RASAL2: variants seen among roughly 807,000 people sequenced by gnomAD.
The protein encoded by RASAL2 is RAS protein activator like 2.
Under a neutral mutation model 128.9 loss-of-function variants are expected in RASAL2, and 58 were observed. The ratio of observed to expected loss-of-function variants is 0.45; its 90% CI spans 0.36 to 0.56. RASAL2 has a LOEUF of 0.56. Ranked by LOEUF, RASAL2 falls within the 20% of genes least tolerant of loss-of-function variation. The pLI is 0.00. For synonymous variants in RASAL2, 561 were observed against 580.8 expected, an observed-to-expected ratio of 0.97 and a Z score of 0.49; for missense variants, 1,360 against 1,601.6, an observed-to-expected ratio of 0.85 and a Z score of 2.57.
chr1:178,191,239 A>C (rs1275654115), intron 1 of RASAL2, among the ~76,000 whole-genome samples: 1 of 152,184 alleles, frequency 6.6e-6, no homozygotes, highest in Non-Finnish European at 1.5e-5. Flanking sequence ...TTACAGGCAG[A>C]ATTAGACGCA....
At chr1:178,464,163 G>A (rs1172614822) in intron 14 of RASAL2, 115 bp from the exon 15 acceptor site, 7 of 1,260,082 alleles carry the variant, frequency 5.6e-6, no homozygotes, top group African/African-American at 1.5e-5. Flanking sequence ...AAAGCTAAGA[G>A]CATTTATTAG....
intron 1 of RASAL2, among the ~76,000 whole-genome samples, chr1:178,119,164 G>A (rs1659625052): frequency 6.6e-6 from 1 of 152,170 alleles, no homozygotes; most frequent in South Asian, 2.1e-4. Flanking sequence ...CACCATGCCT[G>A]GCCAAGTGAG....
chr1:178,318,154 G>GAGAC (rs1342829455), intron 3 of RASAL2, among the ~76,000 whole-genome samples: 1 of 152,148 alleles, frequency 6.6e-6, no homozygotes, highest in Admixed American at 6.6e-5. Context: ...TGTGGTCTGA[G>GAGAC]AGACAGTTTG....
chr1:178,443,659 A>G (rs1000722221), intron 8 of RASAL2, among the ~76,000 whole-genome samples: 1 of 152,202 alleles, frequency 6.6e-6, no homozygotes, highest in Non-Finnish European at 1.5e-5. Flanking sequence ...AAGCATATTG[A>G]GTATTAGCAA....
At chr1:178,320,881 C>T (rs1349446472) in intron 3 of RASAL2, among the ~76,000 whole-genome samples, 2 of 152,176 alleles carry the variant, frequency 1.3e-5, no homozygotes, top group African/African-American at 4.8e-5. Flanking sequence ...TAAGTTAAAA[C>T]CAAAATGGCA....
Position 178,242,499 on chromosome 1 carries a change from G to GTC in RASAL2, c.203-41054_203-41053dup, listed in dbSNP as rs201397703. ...TCTCTCTCTTTCATCTCTCTCTCTT[G>GTC]TCTCTCTCTCTCCCCACTCCTGGGC... is the stretch of plus-strand genomic sequence containing the variant. On this transcript the variant is annotated intron_variant, in intron 1 of 17. Coordinates refer to ENST00000367649, the MANE Select transcript of RASAL2 (RefSeq NM_170692.4). 5.3e-3 allele frequency among the ~76,000 whole-genome samples: 545 copies of GTC among 102,220 alleles called. 8 individuals carry two copies. The highest frequency in any genetic ancestry group is 0.02 in the African/African-American group (530 of 26,456). The allele number at this position is 102,220 out of a possible 152,430, so 67.1% of individuals were successfully genotyped here.
rs1416994950 is a variant in RASAL2 at position 178,094,454 on chromosome 1, C to A, written c.-39C>A. ...CGCGGAGCCGCGCGCCAGCCCGCCC[C>A]GAAGCCGCCGCCTCGTCCCCCTCCC... On this transcript the variant is annotated 5_prime_UTR_variant, in exon 1 of 18. Transcript: ENST00000367649. The A allele has an allele frequency of 6.6e-7, 1 of 1,504,974 alleles. No individual in the cohort carries two copies. The highest frequency in any genetic ancestry group is 8.9e-7 in the Non-Finnish European group (1 of 1,128,388). The allele number at this position is 1,504,974 out of a possible 1,614,324, so 93.2% of individuals were successfully genotyped here. A position where few individuals can be genotyped will look rare whatever the true frequency, so the allele number is the denominator to read the frequency against.
At position 178,295,889 on chromosome 1, in the gene RASAL2, TAAG is replaced by T. The variant is rs901166821; in HGVS notation, c.331-4098_331-4096del. On this transcript the variant is annotated intron_variant, in intron 2 of 17. Transcript: ENST00000367649. Reference sequence around the variant, plus strand: ...TTTTAGCATTCTTTAGGAAAAGAAATAAGAAGAGCTTTCTGATGCTAGTTAGCG... The same window carrying T: ...TTTTAGCATTCTTTAGGAAAAGAAATAAGAGCTTTCTGATGCTAGTTAGCG... Among the ~76,000 whole-genome samples the T allele has an allele frequency of 5.3e-5, 8 of 152,196 alleles. No individual in the cohort carries two copies. The South Asian group carries it at 6.2e-4, about 12-fold the overall frequency.
At position 178,478,043 on chromosome 1, in the gene RASAL2, G is replaced by A. The variant is rs576238000; in HGVS notation, c.*4804G>A. On this transcript the variant is annotated 3_prime_UTR_variant, in exon 18 of 18. Coordinates refer to ENST00000367649, the MANE Select transcript of RASAL2 (RefSeq NM_170692.4). ...GACTTGGGAAATGCAGTGAGCACCC[G>A]AGGAAAGGAAAGTGGTAGTCTTTGC... 7 of 152,298 alleles carry A rather than the reference G, an allele frequency of 4.6e-5. No individual in the cohort carries two copies. In the East Asian group the frequency reaches 7.7e-4, roughly 17 times the overall value. 9.4% of individuals were successfully genotyped at this position (152,298 alleles called of 1,614,324 possible).
chr1:178,221,733 G>GT (rs1663619947), intron 1 of RASAL2, among the ~76,000 whole-genome samples: 1 of 152,168 alleles, frequency 6.6e-6, no homozygotes, highest in Non-Finnish European at 1.5e-5. Context: ...GTGTTCTGCT[G>GT]TTGTTGAATG....
chr1:178,290,423 G>A (rs572155948), intron 2 of RASAL2, among the ~76,000 whole-genome samples: 7 of 151,860 alleles, frequency 4.6e-5, no homozygotes, highest in South Asian at 2.1e-4. Flanking sequence ...TAATTGATGC[G>A]GTGCTTTTCC....
chr1:178,325,559 GA>G (rs1230214549), intron 3 of RASAL2, among the ~76,000 whole-genome samples: 2 of 151,996 alleles, frequency 1.3e-5, no homozygotes, highest in African/African-American at 4.8e-5. Context: ...AATAAGAAGA[GA>G]AAAAAATACA....
At position 178,439,589 on chromosome 1, in the gene RASAL2, G is replaced by A. The variant is rs1204538148; in HGVS notation, c.828+14G>A. 1.9e-6 allele frequency: 3 copies of A among 1,602,892 alleles called. No individual in the cohort carries two copies. In the African/African-American group the frequency reaches 4.1e-5, roughly 22 times the overall value. On this transcript the variant is annotated intron_variant, in intron 6 of 17. Transcript: ENST00000367649. Reference sequence around the variant, plus strand: ...TTCTGCTTTGAGGTAAAAATAAAGTGTAGAAAAAAGGAAGAGTAGTTAAAC... The same window carrying A: ...TTCTGCTTTGAGGTAAAAATAAAGTATAGAAAAAAGGAAGAGTAGTTAAAC...
chr1:178,419,042 T>C (rs1397217833), intron 4 of RASAL2, among the ~76,000 whole-genome samples: 2 of 152,154 alleles, frequency 1.3e-5, no homozygotes, highest in Non-Finnish European at 2.9e-5. Context: ...ATAACCTAGC[T>C]TATCCTGATA....
intron 7 of RASAL2, 99 bp from the exon 8 acceptor site, chr1:178,442,576 C>G (rs1451351203): frequency 1.0e-6 from 1 of 976,910 alleles, no homozygotes; most frequent in African/African-American, 1.7e-5. Flanking sequence ...TGTTGACTCC[C>G]CTTAATAGAG....
At chr1:178,140,452 A>G (rs536906127) in intron 1 of RASAL2, among the ~76,000 whole-genome samples, 1 of 152,182 alleles carries the variant, frequency 6.6e-6, no homozygotes, top group Non-Finnish European at 1.5e-5. Context: ...TACTGCCCTG[A>G]AAATACCCTG....
chr1:178,341,979 T>A (rs1211137634), intron 3 of RASAL2, among the ~76,000 whole-genome samples: 1 of 152,194 alleles, frequency 6.6e-6, no homozygotes, highest in African/African-American at 2.4e-5. Flanking sequence ...CAGGTAAAGC[T>A]CATTTCTCTC....
chr1:178,452,708 C>A, intron 11 of RASAL2, 56 bp downstream of exon 11: 2 of 1,448,636 alleles, frequency 1.4e-6, no homozygotes, highest in South Asian at 1.2e-5. Flanking sequence ...TACTTGAGGC[C>A]TAAAATTTGG....
intron 4 of RASAL2, chr1:178,411,809 G>A: frequency 1.3e-6 from 1 of 772,188 alleles, no homozygotes; most frequent in Non-Finnish European, 2.4e-6. Context: ...GTGGCCCAGA[G>A]GTGCAAGGAG....
Sources: gnomAD v4.1 joint callset for allele counts (sites outside exome capture counted in the v4.1 genomes callset) on GRCh38, gnomAD v4.1.1 for gene constraint, MANE v1.5 for transcripts, NCBI Gene and HGNC (gene_info 2026-07-23, HGNC 2026-07-21) for gene names.